Variants in KCNIP4 observed in about 807,000 individuals in gnomAD.
KCNIP4 encodes the protein Kv channel-interacting protein 4.
KCNIP4 carries 12 observed loss-of-function variants against 34.0 expected under a neutral mutation model. That is an observed-to-expected ratio of 0.35 (90% CI 0.23 to 0.57). The LOEUF (loss-of-function observed/expected upper bound fraction) is 0.57, where lower values mean the gene tolerates loss of function less well. Ranked by LOEUF, KCNIP4 falls within the 20% of genes least tolerant of loss-of-function variation. The pLI is 0.83. For missense variants in KCNIP4, 238 were observed against 311.7 expected (o/e 0.76, Z 1.78); for synonymous variants, 124 against 102.2 (o/e 1.21, Z -1.29).
chr4:20,859,123 A>T (rs1721926702), intron 2 of KCNIP4, among the ~76,000 whole-genome samples: 1 of 152,302 alleles, frequency 6.6e-6, no homozygotes, highest in South Asian at 2.1e-4. Context: ...CCTTCAGGAG[A>T]TCACCAGACC....
intron 5 of KCNIP4, among the ~76,000 whole-genome samples, chr4:20,743,761 T>G (rs1344539306): frequency 1.3e-5 from 2 of 151,992 alleles, no homozygotes; most frequent in African/African-American, 4.8e-5. Flanking sequence ...AAAGCCAAAA[T>G]TGACAAATGG....
intron 1 of KCNIP4, chr4:21,850,450 T>A (rs1293346992): frequency 6.6e-6 from 1 of 152,040 alleles, no homozygotes; most frequent in African/African-American, 2.4e-5. Flanking sequence ...AGTGGCTTCA[T>A]AAGAAGAGGA....
At chr4:21,266,579 A>G (rs1401653934) in intron 1 of KCNIP4, among the ~76,000 whole-genome samples, 1 of 152,220 alleles carries the variant, frequency 6.6e-6, no homozygotes, top group Non-Finnish European at 1.5e-5. Context: ...TTATGGCTAA[A>G]GCTAAGAAGT....
intron 1 of KCNIP4, among the ~76,000 whole-genome samples, chr4:21,215,743 C>T (rs1757504880): frequency 6.6e-6 from 1 of 152,164 alleles, no homozygotes; most frequent in South Asian, 2.1e-4. Context: ...CTAGGAAATA[C>T]ATAAAAGTAA....
chr4:21,312,772 G>A (rs1247641544), intron 1 of KCNIP4, among the ~76,000 whole-genome samples: 4 of 152,124 alleles, frequency 2.6e-5, no homozygotes, highest in Non-Finnish European at 4.4e-5. Context: ...CTTTAGTAGA[G>A]ACAGAGGACT....
chr4:21,435,921 C>A (rs1393880804), intron 1 of KCNIP4, among the ~76,000 whole-genome samples: 1 of 152,032 alleles, frequency 6.6e-6, no homozygotes, highest in Non-Finnish European at 1.5e-5. Flanking sequence ...TGCAAATGAG[C>A]GTTGGATAGA....
At chr4:21,072,217 C>A (rs1195272600) in intron 1 of KCNIP4, among the ~76,000 whole-genome samples, 1 of 152,214 alleles carries the variant, frequency 6.6e-6, no homozygotes, top group African/African-American at 2.4e-5. Flanking sequence ...GGAATCGCCA[C>A]ACTGTCTTCC....
At chr4:21,147,652 A>G (rs1385422023) in intron 1 of KCNIP4, among the ~76,000 whole-genome samples, 1 of 152,114 alleles carries the variant, frequency 6.6e-6, no homozygotes, top group African/African-American at 2.4e-5. Flanking sequence ...AGCATCAAGT[A>G]CTTTGGCCAG....
intron 1 of KCNIP4, among the ~76,000 whole-genome samples, chr4:20,928,867 CCA>C (rs1453086021): frequency 6.6e-6 from 1 of 151,682 alleles, no homozygotes; most frequent in African/African-American, 2.4e-5. Flanking sequence ...CTTGAATGGA[CCA>C]ATAAAAATTA....
rs184053621 is a variant in KCNIP4, at chr4:21,865,691, C to T, written c.61+82880G>A. ...TGGAGTCGCTGGGATTACAGGCATGCGCCACCATGCCCAGCTAATTTTTGT... is the reference window on the plus strand; with the variant it reads ...TGGAGTCGCTGGGATTACAGGCATGTGCCACCATGCCCAGCTAATTTTTGT... On this transcript the variant is annotated intron_variant, in intron 1 of 8. Coordinates refer to ENST00000382152, the MANE Select transcript of KCNIP4 (RefSeq NM_025221.6). 2.4e-3 allele frequency among the ~76,000 whole-genome samples: 370 copies of T among 151,764 alleles called. 1 individual carries two copies. The highest frequency in any genetic ancestry group is 8.6e-3 in the African/African-American group (355 of 41,418).
chr4:21,361,594 G>A (rs1719229868), intron 1 of KCNIP4, among the ~76,000 whole-genome samples: 1 of 151,844 alleles, frequency 6.6e-6, no homozygotes, highest in Middle Eastern at 3.2e-3. Context: ...TTAGGAACAA[G>A]TGGTTCTCTA....
chr4:21,003,891 C>T (rs902994003), intron 1 of KCNIP4, among the ~76,000 whole-genome samples: 1 of 152,000 alleles, frequency 6.6e-6, no homozygotes, highest in African/African-American at 2.4e-5. Flanking sequence ...TCTGGAATCG[C>T]ATGATGTGTT....
intron 1 of KCNIP4, among the ~76,000 whole-genome samples, chr4:21,356,579 G>T (rs776044904): frequency 9.2e-5 from 14 of 152,044 alleles, no homozygotes; most frequent in Non-Finnish European, 1.5e-4. Flanking sequence ...GCTTCAAAGA[G>T]AATAAAATAC....
chr4:21,333,428 C>T (rs1302581078), intron 1 of KCNIP4, among the ~76,000 whole-genome samples: 1 of 129,974 alleles, frequency 7.7e-6, no homozygotes, highest in Non-Finnish European at 1.7e-5. Flanking sequence ...TTTCTGCACA[C>T]AGATATATAT....
intron 1 of KCNIP4, among the ~76,000 whole-genome samples, chr4:20,956,889 A>G (rs1179653407): frequency 6.6e-6 from 1 of 152,210 alleles, no homozygotes; most frequent in Admixed American, 6.5e-5. Context: ...GAATAACACA[A>G]ATAACTGCTA....
intron 1 of KCNIP4, chr4:21,729,811 A>T (rs1715459256): frequency 6.6e-6 from 1 of 152,198 alleles, no homozygotes; most frequent in Non-Finnish European, 1.5e-5. Context: ...CTTTTACAAA[A>T]CATAAAAGTA....
chr4:21,883,745 G>GCC (rs1726596885), intron 1 of KCNIP4, among the ~76,000 whole-genome samples: 1 of 151,938 alleles, frequency 6.6e-6, no homozygotes, highest in Non-Finnish European at 1.5e-5. Context: ...TAGGGTGGAG[G>GCC]TCTTTCCATA....
chr4:21,270,668 A>C (rs1302515846), intron 1 of KCNIP4, among the ~76,000 whole-genome samples: 1 of 152,082 alleles, frequency 6.6e-6, no homozygotes, highest in African/African-American at 2.4e-5. Flanking sequence ...TTTTTCCAGC[A>C]CTTGGAAGAA....
intron 1 of KCNIP4, among the ~76,000 whole-genome samples, chr4:21,753,883 T>C (rs1199127055): frequency 1.3e-5 from 2 of 152,070 alleles, no homozygotes. Context: ...GAGATTCCTG[T>C]TCCACTCTCA....
Sources: allele counts gnomAD v4.1 joint callset (sites outside exome capture counted in the v4.1 genomes callset), GRCh38; gene constraint gnomAD v4.1.1; transcripts MANE v1.5; gene names NCBI Gene and HGNC (gene_info 2026-07-23, HGNC 2026-07-21).